Variants in SDK2 observed in about 807,000 individuals in gnomAD.
The protein encoded by SDK2 is protein sidekick-2.
SDK2 carries 105 observed loss-of-function variants against 253.9 expected under a neutral mutation model. That is an observed-to-expected ratio of 0.41 (90% CI 0.35 to 0.49). SDK2 has a LOEUF of 0.49. Among genes scored for constraint, SDK2 ranks in the 20% least tolerant of loss-of-function variants. The pLI is 0.06. For synonymous variants in SDK2, 1,249 were observed against 1,234.9 expected, an observed-to-expected ratio of 1.01 and a Z score of -0.24; for missense variants, 2,608 against 3,003.0, an observed-to-expected ratio of 0.87 and a Z score of 3.07.
In SDK2 at chr17:73,435,771, A is replaced by G; in HGVS notation, c.1001-127T>C. The G allele has an allele frequency of 1.5e-5, 12 of 823,480 alleles. No homozygotes were observed. The South Asian group carries it at 2.0e-4, about 14-fold the overall frequency. 51.0% of individuals were successfully genotyped at this position (823,480 alleles called of 1,614,324 possible). A position where few individuals can be genotyped will look rare whatever the true frequency, so the allele number is the denominator to read the frequency against. Reference sequence around the variant, plus strand: ...TCCCTGGTGAATCTTGGTGTCTAGAACCTTCTCAGAGGTGCCACTTTGGGT... The same window carrying G: ...TCCCTGGTGAATCTTGGTGTCTAGAGCCTTCTCAGAGGTGCCACTTTGGGT... On this transcript the variant is annotated intron_variant, in intron 8 of 44. Coordinates refer to ENST00000392650, the MANE Select transcript of SDK2 (RefSeq NM_001144952.2). The surrounding 1 kb of genome is among the most constrained non-coding windows in gnomAD (Gnocchi z 5.7).
chr17:73,432,825 C>T (rs537859076), intron 10 of SDK2, among the ~76,000 whole-genome samples: 17 of 151,886 alleles, frequency 1.1e-4, no homozygotes, highest in East Asian at 5.8e-4. Context: ...TGTGTATGTA[C>T]GTGTGCATGT....
rs1035646719 is a variant in SDK2, at chr17:73,471,253, G to A, written c.331+859C>T. Reference sequence around the variant, plus strand: ...CCTCCCAGCACCCCCGGAAGATCACGGAGACCCTCAGGCTGTTATCACTCC... The same window carrying A: ...CCTCCCAGCACCCCCGGAAGATCACAGAGACCCTCAGGCTGTTATCACTCC... On this transcript the variant is annotated intron_variant, in intron 3 of 44. Coordinates refer to ENST00000392650, the MANE Select transcript of SDK2 (RefSeq NM_001144952.2). Among the ~76,000 whole-genome samples, 42 of 152,132 alleles carry A rather than the reference G, an allele frequency of 2.8e-4. 1 individual carries two copies. The highest frequency in any genetic ancestry group is 2.3e-3 in the Admixed American group (35 of 15,268).
At chr17:73,509,428 A>G (rs2063960729) in intron 1 of SDK2, among the ~76,000 whole-genome samples, 1 of 152,088 alleles carries the variant, frequency 6.6e-6, no homozygotes, top group South Asian at 2.1e-4. Flanking sequence ...TCTTGGTCAG[A>G]CAGCTAACTT....
In SDK2 at chr17:73,496,039, G is replaced by C. The variant is rs2063839461; in HGVS notation, c.224+11399C>G. Among the ~76,000 whole-genome samples the C allele has an allele frequency of 6.6e-6, 1 of 152,178 alleles. No individual in the cohort carries two copies. On this transcript the variant is annotated intron_variant, in intron 2 of 44. Coordinates refer to ENST00000392650, the MANE Select transcript of SDK2 (RefSeq NM_001144952.2). This position sits in a 1 kb window ranked among gnomAD's most constrained non-coding sequence, Gnocchi z 4.7. ...GGCTGGAACAGGCAGATAGGATCTA[G>C]CCTCATTGAGGAAAAGGAACCTGGA...
Position 73,379,634 on chromosome 17 carries a change from G to A in SDK2, c.4763-85C>T. 1 of 799,742 alleles carries A rather than the reference G, an allele frequency of 1.3e-6. No individual in the cohort carries two copies. Among genetic ancestry groups the A allele is most frequent in the Non-Finnish European group, 2.0e-6 (1 of 489,716 alleles). 49.5% of individuals were successfully genotyped at this position (799,742 alleles called of 1,614,324 possible). A position where few individuals can be genotyped will look rare whatever the true frequency, so the allele number is the denominator to read the frequency against. On this transcript the variant is annotated intron_variant, in intron 34 of 44. Coordinates refer to ENST00000392650, the MANE Select transcript of SDK2 (RefSeq NM_001144952.2). This position sits in a 1 kb window ranked among gnomAD's most constrained non-coding sequence, Gnocchi z 4.5. ...GTCCCCAGGGAGGGTGGAGGCTGCA[G>A]GGGGAGGAATGAGGCACCCCCGCCA...
intron 44 of SDK2, among the ~76,000 whole-genome samples, chr17:73,340,778 T>C (rs1305813333): frequency 1.4e-5 from 2 of 139,462 alleles, no homozygotes; most frequent in African/African-American, 2.6e-5. Flanking sequence ...AGTTTTGCTC[T>C]TGTCGTCCAG....
intron 6 of SDK2, among the ~76,000 whole-genome samples, chr17:73,439,408 T>C (rs987051446): frequency 2.6e-5 from 4 of 152,268 alleles, no homozygotes; most frequent in East Asian, 1.9e-4. Flanking sequence ...CTTTTAGAAA[T>C]GCTGCCAAAA....
At chr17:73,469,992 G>GCGCACGCACA (rs1328450219) in intron 3 of SDK2, among the ~76,000 whole-genome samples, 1 of 126,184 alleles carries the variant, frequency 7.9e-6, no homozygotes, top group East Asian at 2.6e-4. Flanking sequence ...GCGCGCGCGC[G>GCGCACGCACA]CACACACACA....
At chr17:73,347,247 C>T (rs1360901844) in intron 44 of SDK2, among the ~76,000 whole-genome samples, 1 of 152,180 alleles carries the variant, frequency 6.6e-6, no homozygotes, top group Non-Finnish European at 1.5e-5. Flanking sequence ...GTAATCCCAG[C>T]TACTCTGGAG....
intron 44 of SDK2, among the ~76,000 whole-genome samples, chr17:73,339,163 A>G (rs2062409887): frequency 1.3e-5 from 2 of 150,734 alleles, no homozygotes; most frequent in Non-Finnish European, 3.0e-5. Flanking sequence ...AGGATCTACT[A>G]TGGGGTTGGC....
At chr17:73,477,391 C>T (rs910015954) in intron 2 of SDK2, among the ~76,000 whole-genome samples, 6 of 151,930 alleles carry the variant, frequency 3.9e-5, no homozygotes, top group African/African-American at 1.4e-4. Context: ...ACCTGATCCA[C>T]TCAAGAGGAA....
At chr17:73,422,210 C>G in intron 15 of SDK2, 77 bp downstream of exon 15, 1 of 1,538,546 alleles carries the variant, frequency 6.5e-7, no homozygotes, top group Non-Finnish European at 8.9e-7. Context: ...GAGCCAGAAT[C>G]TGCCACATCG....
chr17:73,591,966 C>T (rs1040346283), intron 1 of SDK2, among the ~76,000 whole-genome samples: 1 of 152,172 alleles, frequency 6.6e-6, no homozygotes, highest in Non-Finnish European at 1.5e-5. Flanking sequence ...GCACACCCAG[C>T]CTCTCTGGGG....
At chr17:73,405,452 A>AC (rs2063064812) in intron 18 of SDK2, among the ~76,000 whole-genome samples, 1 of 112,412 alleles carries the variant, frequency 8.9e-6, no homozygotes. Flanking sequence ...AAAAAAAAAA[A>AC]AACAAACAAA....
At position 73,431,686 on chromosome 17, in the gene SDK2, G is replaced by C. The variant is rs770052929; in HGVS notation, c.1313-17C>G. The C allele has an allele frequency of 6.3e-7, 1 of 1,590,496 alleles. No individual in the cohort carries two copies. The highest frequency in any genetic ancestry group is 1.7e-5 in the Admixed American group (1 of 58,194). The stretch of plus-strand genomic sequence containing the variant: ...TGCGCTCCCCTGAGGGCAAAACAGG[G>C]TGGGGGTCAGCCTGTAGCCCCCAAG... On this transcript the variant is annotated splice_polypyrimidine_tract_variant and intron_variant, in intron 10 of 44. Transcript: ENST00000392650. The surrounding 1 kb of genome is among the most constrained non-coding windows in gnomAD (Gnocchi z 5.6).
intron 1 of SDK2, among the ~76,000 whole-genome samples, chr17:73,591,886 A>T (rs790086): frequency 0.15 from 22,908 of 152,082 alleles, 1,889 homozygotes; most frequent in East Asian, 0.32. Flanking sequence ...AGCATCAAGC[A>T]CTAAAACGGT....
At chr17:73,531,758 C>A (rs1050446576) in intron 1 of SDK2, among the ~76,000 whole-genome samples, 1 of 152,214 alleles carries the variant, frequency 6.6e-6, no homozygotes. Flanking sequence ...CTTTTTGTCA[C>A]TGAACCAGAG....
intron 36 of SDK2, among the ~76,000 whole-genome samples, chr17:73,375,975 C>T (rs968256774): frequency 4.0e-5 from 6 of 151,840 alleles, no homozygotes; most frequent in African/African-American, 1.4e-4. Context: ...GTGGGTGGAT[C>T]ACGAAGTCAA....
intron 1 of SDK2, among the ~76,000 whole-genome samples, chr17:73,611,225 C>T (rs929658864): frequency 6.6e-6 from 1 of 151,036 alleles, no homozygotes; most frequent in African/African-American, 2.4e-5. Flanking sequence ...TTATCCCACT[C>T]TCTCTCTCTC....
Sources: gnomAD v4.1 joint callset for allele counts (sites outside exome capture counted in the v4.1 genomes callset) on GRCh38, gnomAD v4.1.1 for gene constraint, Gnocchi (gnomAD v3.1) non-coding constraint, MANE v1.5 for transcripts, NCBI Gene and HGNC (gene_info 2026-07-23, HGNC 2026-07-21) for gene names.